FRMPD4: variants seen among roughly 807,000 people sequenced by gnomAD.
The protein encoded by FRMPD4 is FERM and PDZ domain-containing protein 4.
FRMPD4 carries 22 observed loss-of-function variants against 94.1 expected under a neutral mutation model. That is an observed-to-expected ratio of 0.23 (90% CI 0.17 to 0.33). The LOEUF (loss-of-function observed/expected upper bound fraction) is 0.33, where lower values mean the gene tolerates loss of function less well. FRMPD4 is among the 10% of genes least tolerant of loss of function. The probability of loss-of-function intolerance (pLI) is 1.00; values close to 1 mark genes in which losing one functional copy is unlikely to be tolerated. For missense variants in FRMPD4, 1,111 were observed against 1,339.9 expected (o/e 0.83, Z 2.67); for synonymous variants, 631 against 548.6 (o/e 1.15, Z -2.10).
chrX:11,991,878 A>G (rs1187603934), intron 3 of FRMPD4, among the ~76,000 whole-genome samples: 2 of 112,277 alleles, frequency 1.8e-5, no homozygotes, highest in Non-Finnish European at 3.8e-5. Flanking sequence ...TAAAGCACGT[A>G]TCTTAGTTGA....
intron 4 of FRMPD4, among the ~76,000 whole-genome samples, chrX:12,649,390 A>G (rs2059577333): frequency 9.0e-6 from 1 of 111,718 alleles, no homozygotes; most frequent in Admixed American, 9.5e-5. Flanking sequence ...TTGAATAACA[A>G]CAGCAGACAC....
chrX:12,388,850 T>TATATATATATATATATATATATAC (rs1491368741), intron 1 of FRMPD4, among the ~76,000 whole-genome samples: 9 of 73,442 alleles, frequency 1.2e-4, no homozygotes, highest in African/African-American at 5.1e-4. Flanking sequence ...TATATATATA[T>TATATATATATATATATATATATAC]ACACACAATG....
At chrX:11,985,176 G>T (rs2054421512) in intron 3 of FRMPD4, among the ~76,000 whole-genome samples, 2 of 111,802 alleles carry the variant, frequency 1.8e-5, no homozygotes, top group South Asian at 7.6e-4. Context: ...CAAGAGTAAA[G>T]AGGACTTTGT....
Position 12,716,799 on chromosome X carries a change from C to A in FRMPD4, c.2340C>A (p.Ile780=), listed in dbSNP as rs778068912. ...ACCTGTCTGGGTCAAGCGATGACAT[C>A]ATTGACCTCACATCCCTGCCCCCTC... ...ILNLSGSSDD[I]IDLTSLPPPE... Residue 780 remains isoleucine, a synonymous_variant, in exon 15 of 17, where the codon ATC becomes ATA. Transcript: ENST00000675598. 3.3e-6 allele frequency: 4 copies of A among 1,208,897 alleles called. No homozygotes were observed. The highest frequency in any genetic ancestry group is 4.5e-6 in the Non-Finnish European group (4 of 894,086).
At chrX:12,667,650 C>T (rs1437879148) in intron 4 of FRMPD4, among the ~76,000 whole-genome samples, 1 of 112,315 alleles carries the variant, frequency 8.9e-6, no homozygotes. Context: ...GGGCTTCTTC[C>T]TCACATAGCT....
intron 3 of FRMPD4, among the ~76,000 whole-genome samples, chrX:11,997,313 G>T (rs189082898): frequency 1.1e-3 from 117 of 111,404 alleles, no homozygotes; most frequent in Non-Finnish European, 1.5e-3. Context: ...TCTAATGAAG[G>T]ATTGGAAAAA....
At chrX:12,409,080 G>C (rs1283377424) in intron 1 of FRMPD4, among the ~76,000 whole-genome samples, 1 of 111,524 alleles carries the variant, frequency 9.0e-6, no homozygotes, top group African/African-American at 3.3e-5. Flanking sequence ...ATAACTGGTT[G>C]TTGTTTTTGT....
chrX:12,437,697 T>C lies in FRMPD4; in HGVS notation c.42-60983T>C, dbSNP rs989291510. ...AGAAATCTGAATTAATCTCTTTCCA[T>C]CTGTGTCTCATAGGTAATCTGCCTT... On this transcript the variant is annotated intron_variant, in intron 1 of 16. Coordinates refer to ENST00000675598, the MANE Select transcript of FRMPD4 (RefSeq NM_001368397.1). Among the ~76,000 whole-genome samples, 3 of 112,246 alleles carry C rather than the reference T, an allele frequency of 2.7e-5. No homozygotes were observed. The Admixed American group carries it at 2.8e-4, about 11-fold the overall frequency.
chrX:12,653,729 T>G (rs1302850998), intron 4 of FRMPD4, among the ~76,000 whole-genome samples: 6 of 92,361 alleles, frequency 6.5e-5, no homozygotes, highest in African/African-American at 1.1e-4. Flanking sequence ...TAACTATGAC[T>G]TACTAAAAAA....
At chrX:12,610,536 C>T (rs1344959774) in intron 3 of FRMPD4, among the ~76,000 whole-genome samples, 1 of 112,204 alleles carries the variant, frequency 8.9e-6, no homozygotes, top group African/African-American at 3.2e-5. Context: ...CACTTGAAGC[C>T]AGGAGTTTGA....
intron 1 of FRMPD4, among the ~76,000 whole-genome samples, chrX:12,263,616 G>T (rs948111329): frequency 9.0e-6 from 1 of 111,271 alleles, no homozygotes; most frequent in Non-Finnish European, 1.9e-5. Flanking sequence ...AATGACCCAG[G>T]CACCAGATAA....
At chrX:12,650,814 C>G (rs1171602363) in intron 4 of FRMPD4, among the ~76,000 whole-genome samples, 1 of 112,904 alleles carries the variant, frequency 8.9e-6, no homozygotes, top group Non-Finnish European at 1.9e-5. Flanking sequence ...TGCTTCTTAT[C>G]TCATCTCACC....
Position 12,138,638 on chromosome X carries a change from G to C in FRMPD4, c.-334G>C. On this transcript the variant is annotated 5_prime_UTR_variant, in exon 1 of 17. Transcript: ENST00000675598. ...TTTCTCTGGACGCCCGGCAGTCCCCGGGGCTAGAGCGCACGGGGCGGGGCG... is the reference window on the plus strand; with the variant it reads ...TTTCTCTGGACGCCCGGCAGTCCCCCGGGCTAGAGCGCACGGGGCGGGGCG... The C allele has an allele frequency of 3.4e-6, 1 of 291,285 alleles. No individual in the cohort carries two copies. The highest frequency in any genetic ancestry group is 6.0e-6 in the Non-Finnish European group (1 of 166,477). 24.0% of individuals were successfully genotyped at this position (291,285 alleles called of 1,213,427 possible).
intron 3 of FRMPD4, among the ~76,000 whole-genome samples, chrX:11,990,261 C>T (rs1301765299): frequency 9.0e-6 from 1 of 111,633 alleles, no homozygotes; most frequent in African/African-American, 3.2e-5. Context: ...ATAGGCAAAC[C>T]CATACAGACA....
intron 2 of FRMPD4, among the ~76,000 whole-genome samples, chrX:12,560,484 A>G (rs1008411913): frequency 5.8e-5 from 1 of 17,241 alleles, no homozygotes; most frequent in African/African-American, 2.8e-4. Flanking sequence ...AATGAAAAAA[A>G]AAAAAAAAAA....
At position 12,047,856 on chromosome X, in the gene FRMPD4, A is replaced by G. The variant is rs562721892; in HGVS notation, c.95+169838A>G. ...CTTTTTTATAGCTGCATAGTATTCC[A>G]TGACGTATACGTATGTACCACATTT... On this transcript the variant is annotated intron_variant, in intron 3 of 18. Coordinates refer to the FRMPD4 transcript ENST00000640291. Among the ~76,000 whole-genome samples, 49 of 112,626 alleles carry G rather than the reference A, an allele frequency of 4.4e-4. No homozygotes were observed. In the South Asian group the frequency reaches 0.017, roughly 40 times the overall value.
intron 1 of FRMPD4, among the ~76,000 whole-genome samples, chrX:11,854,368 A>G (rs1211079528): frequency 2.7e-5 from 3 of 111,676 alleles, no homozygotes; most frequent in Non-Finnish European, 3.8e-5. Flanking sequence ...TCGCAATTCA[A>G]AACACAGTCA....
At chrX:12,202,752 G>A (rs1257245728) in intron 1 of FRMPD4, among the ~76,000 whole-genome samples, 1 of 112,093 alleles carries the variant, frequency 8.9e-6, no homozygotes, top group South Asian at 3.7e-4. Flanking sequence ...ATCGATGTCT[G>A]GTGTCCTAAT....
chrX:12,408,933 T>A (rs2056699027), intron 1 of FRMPD4, among the ~76,000 whole-genome samples: 1 of 110,881 alleles, frequency 9.0e-6, no homozygotes. Context: ...TATCCCCCCC[T>A]TGGCTAGTAG....
Sources: allele counts gnomAD v4.1 joint callset (sites outside exome capture counted in the v4.1 genomes callset), GRCh38; gene constraint gnomAD v4.1.1; transcripts MANE v1.5; gene names NCBI Gene and HGNC (gene_info 2026-07-23, HGNC 2026-07-21).